Variants in COL5A1 observed in about 807,000 individuals in gnomAD.
COL5A1 encodes collagen type V alpha 1 chain.
Under a neutral mutation model 263.7 loss-of-function variants are expected in COL5A1, and 16 were observed. The observed-to-expected ratio is 0.06, with a 90% CI of 0.04 to 0.09. The LOEUF (loss-of-function observed/expected upper bound fraction) is 0.09. COL5A1 is among the 10% of genes least tolerant of loss of function. The pLI is 1.00. For missense variants in COL5A1, 2,036 were observed against 2,540.5 expected (o/e 0.80, Z 4.27); for synonymous variants, 1,012 against 1,004.5 (o/e 1.01, Z -0.14).
intron 21 of COL5A1, among the ~76,000 whole-genome samples, chr9:134,766,036 A>C (rs904610935): frequency 6.6e-6 from 1 of 152,168 alleles, no homozygotes; most frequent in African/African-American, 2.4e-5. Context: ...GAAACCCAGG[A>C]TGTCACGTTT....
intron 4 of COL5A1, chr9:134,709,036 T>C (rs575225118): frequency 4.6e-6 from 2 of 434,284 alleles, no homozygotes; most frequent in East Asian, 7.1e-5. Context: ...CATCCTAATC[T>C]AGGATGTTCC....
chr9:134,721,558 G>C (rs949945929), intron 4 of COL5A1, among the ~76,000 whole-genome samples: 3 of 152,170 alleles, frequency 2.0e-5, no homozygotes, highest in African/African-American at 7.2e-5. Context: ...TGGCCCCAGG[G>C]GTGGCCCAGG....
intron 35 of COL5A1, among the ~76,000 whole-genome samples, 190 bp downstream of exon 35, chr9:134,796,608 G>C (rs887144292): frequency 2.0e-5 from 3 of 152,180 alleles, no homozygotes; most frequent in Admixed American, 6.5e-5. Context: ...CAGGGGCCTC[G>C]ACCGCAGCCC....
intron 27 of COL5A1, among the ~76,000 whole-genome samples, chr9:134,778,215 A>G (rs1405608986): frequency 6.6e-6 from 1 of 152,120 alleles, no homozygotes. Flanking sequence ...ATTGCTTTGG[A>G]AGAAGGCATC....
intron 1 of COL5A1, among the ~76,000 whole-genome samples, chr9:134,689,906 C>G (rs536787342): frequency 6.6e-6 from 1 of 152,350 alleles, no homozygotes; most frequent in African/African-American, 2.4e-5. Context: ...CAGGGAGCCT[C>G]TTGCTCGTGG....
In COL5A1 at chr9:134,789,678, C is replaced by T. The variant is rs879671135; in HGVS notation, c.2700+470C>T. Among the ~76,000 whole-genome samples the T allele has an allele frequency of 3.9e-4, 59 of 152,224 alleles. No homozygotes were observed. Among genetic ancestry groups the T allele is most frequent in the Admixed American group, 8.5e-4 (13 of 15,292 alleles). On this transcript the variant is annotated intron_variant, in intron 32 of 65. Coordinates refer to ENST00000371817, the MANE Select transcript of COL5A1 (RefSeq NM_000093.5). This position sits in a 1 kb window ranked among gnomAD's most constrained non-coding sequence, Gnocchi z 4.8. ...GACGGGATTAGCAAGCTGCCATTGT[C>T]ATAAACACCCACCAGCTTGCAGTGT...
chr9:134,839,747 T>TG (rs1488836392), intron 65 of COL5A1, among the ~76,000 whole-genome samples: 1 of 152,062 alleles, frequency 6.6e-6, no homozygotes, highest in African/African-American at 2.4e-5. Context: ...GTGAGGAGGT[T>TG]GGTACCCTCA....
intron 1 of COL5A1, among the ~76,000 whole-genome samples, chr9:134,673,269 C>G (rs959614674): frequency 3.3e-5 from 5 of 152,106 alleles, no homozygotes; most frequent in African/African-American, 1.2e-4. Flanking sequence ...GAGACTTGCT[C>G]TAAAGCTATA....
rs576976549 is a variant in COL5A1 at position 134,782,726 on chromosome 9, C to T, written c.2484+6C>T. 7.2e-5 allele frequency: 115 copies of T among 1,600,244 alleles called. No homozygotes were observed. Among genetic ancestry groups the T allele is most frequent in the Non-Finnish European group, 9.5e-5 (111 of 1,170,716 alleles). ...TGGGCATCAAGGGTGATCGGGTGAG[C>T]ATCTCAGGTTTGGGATTTGGGCTGG... On this transcript the variant is annotated splice_donor_region_variant and intron_variant, in intron 29 of 65. Coordinates refer to ENST00000371817, the MANE Select transcript of COL5A1 (RefSeq NM_000093.5).
At chr9:134,688,658 G>A (rs1005584540) in intron 1 of COL5A1, among the ~76,000 whole-genome samples, 1 of 152,210 alleles carries the variant, frequency 6.6e-6, no homozygotes, top group African/African-American at 2.4e-5. Context: ...AGGCCTGGAC[G>A]TGGGGTGTTC....
In COL5A1 at chr9:134,752,352, G is replaced by A. The variant is rs4842150; in HGVS notation, c.1663-237G>A. 0.15 allele frequency among the ~76,000 whole-genome samples: 23,341 copies of A among 151,816 alleles called. 2,086 individuals are homozygous for A. Among genetic ancestry groups the A allele is most frequent in the East Asian group, 0.34 (1,752 of 5,114 alleles). ...CCTATCCCCCAAGGGAGGAAACGGG[G>A]GCCCACTGGCTTGCACCTCTGCATG... On this transcript the variant is annotated intron_variant, in intron 13 of 65. Coordinates refer to ENST00000371817, the MANE Select transcript of COL5A1 (RefSeq NM_000093.5).
chr9:134,815,656 CG>C, intron 51 of COL5A1, 27 bp downstream of exon 51: 1 of 1,611,256 alleles, frequency 6.2e-7, no homozygotes, highest in Non-Finnish European at 8.5e-7. Context: ...GCAAAGCCAC[CG>C]GATCCCCCAC....
At chr9:134,806,583 T>C (rs1189367127) in intron 42 of COL5A1, among the ~76,000 whole-genome samples, 2 of 152,144 alleles carry the variant, frequency 1.3e-5, no homozygotes, top group Non-Finnish European at 2.9e-5. Flanking sequence ...TGTCCACGCG[T>C]GCATGCTGGT....
rs80068679 is a variant in COL5A1 at position 134,694,415 on chromosome 9, C to G, written c.277+3336C>G. 2.6e-4 allele frequency among the ~76,000 whole-genome samples: 40 copies of G among 152,380 alleles called. No individual in the cohort carries two copies. The East Asian group carries it at 6.9e-3, about 26-fold the overall frequency. ...GAGTGATCTGGGTGCCAGGGAGACACAGCCATGAATAGAACAGATGGAGCC... is the reference window on the plus strand; with the variant it reads ...GAGTGATCTGGGTGCCAGGGAGACAGAGCCATGAATAGAACAGATGGAGCC... On this transcript the variant is annotated intron_variant, in intron 2 of 65. Coordinates refer to ENST00000371817, the MANE Select transcript of COL5A1 (RefSeq NM_000093.5).
intron 1 of COL5A1, among the ~76,000 whole-genome samples, chr9:134,661,734 C>A (rs1832211381): frequency 6.6e-6 from 1 of 152,146 alleles, no homozygotes; most frequent in African/African-American, 2.4e-5. Flanking sequence ...GCCCTTTCAA[C>A]CTAAATGTCT....
intron 41 of COL5A1, among the ~76,000 whole-genome samples, chr9:134,805,591 C>T (rs1448407303): frequency 6.6e-6 from 1 of 152,186 alleles, no homozygotes; most frequent in Non-Finnish European, 1.5e-5. Flanking sequence ...TCTGAAGATG[C>T]ACGCTAAAGC....
chr9:134,658,345 G>A (rs76404508), intron 1 of COL5A1, among the ~76,000 whole-genome samples: 1 of 152,292 alleles, frequency 6.6e-6, no homozygotes, highest in African/African-American at 2.4e-5. Context: ...CAGCTCCGAA[G>A]TGCAGACACC....
rs755260686 is a variant in COL5A1, at chr9:134,842,197, C to A, written c.5411C>A (p.Thr1804Asn). The A allele has an allele frequency of 1.2e-5, 20 of 1,614,046 alleles. 1 individual carries two copies. In the South Asian group the frequency reaches 2.2e-4, roughly 18 times the overall value. Residue 1804 changes from threonine to asparagine, a missense_variant, in exon 66 of 66, where the codon ACC (threonine) becomes AAC (asparagine). Transcript: ENST00000371817. This position sits in a 1 kb window ranked among gnomAD's most constrained non-coding sequence, Gnocchi z 5.8. ...GYQKTVLEID[T>N]PKVEQVPIVD... ...CAGAAGACGGTTCTGGAGATCGACA[C>A]CCCCAAAGTGGAGCAGGTGCCCATC...
At chr9:134,645,201 TGCGGG>T (rs1831436660) in intron 1 of COL5A1, among the ~76,000 whole-genome samples, 1 of 152,230 alleles carries the variant, frequency 6.6e-6, no homozygotes, top group South Asian at 2.1e-4. Context: ...GGGCTGCTCC[TGCGGG>T]GCTGGCCAGA....
Sources: allele counts gnomAD v4.1 joint callset (sites outside exome capture counted in the v4.1 genomes callset), GRCh38; gene constraint gnomAD v4.1.1; non-coding constraint Gnocchi (gnomAD v3.1); transcripts MANE v1.5; gene names NCBI Gene and HGNC (gene_info 2026-07-23, HGNC 2026-07-21).